The following CNFN variants were observed in gnomAD, a reference collection of about 807,000 sequenced individuals.
CNFN encodes the protein cornifelin, also known as cornefied envelope protein cornefilin.
Under a neutral mutation model 14.9 loss-of-function variants are expected in CNFN, and 10 were observed. That is an observed-to-expected ratio of 0.67 (90% confidence interval 0.41 to 1.14). The LOEUF is 1.14. CNFN is among the 50% of genes most tolerant of loss of function. The probability of loss-of-function intolerance (pLI) is 0.00; values close to 1 mark genes in which losing one functional copy is unlikely to be tolerated. For synonymous variants in CNFN, 66 were observed against 60.0 expected (o/e 1.10, Z -0.46); for missense variants, 165 against 152.8 (o/e 1.08, Z -0.42).
rs770301338 is a variant in CNFN at position 42,387,429 on chromosome 19, C to G, written c.160G>C (p.Asp54His). ...GCGCAGCAGCACTCGCCAAAGTCGT[C>G]GGAGATGCGGCAGGCAAGGCACAGA... ...APLCLACRISDDFGECCCAPY... is the reference protein window; with the variant it reads ...APLCLACRISHDFGECCCAPY... Residue 54 changes from aspartate (D) to histidine (H), a missense_variant, in exon 3 of 4, where the codon GAC becomes CAC. Transcript: ENST00000222032. 6.2e-6 allele frequency: 10 copies of G among 1,600,644 alleles called. No homozygotes were observed. The highest frequency in any genetic ancestry group is 5.4e-5 in the African/African-American group (4 of 74,576).
At position 42,387,178 on chromosome 19, in the gene CNFN, G is replaced by A. The variant is rs1465641511; in HGVS notation, c.314C>T (p.Ala105Val). The change falls in exon 4 of 4, where the codon GCG becomes GTG. Residue 105 changes from alanine to valine, a missense_variant. Ala to Val is a moderately conservative substitution (Grantham distance 64). Transcript: ENST00000222032. Reference protein sequence around the residue: ...FCLPCALCQMARELKIRE With the variant: ...FCLPCALCQMVRELKIRE ...TTACTCTCGGATCTTCAGTTCCCGC[G>A]CCATCTGGCAGAGGGCGCAGGGCAG... The A allele has an allele frequency of 6.2e-7, 1 of 1,614,192 alleles. No homozygotes were observed. Among genetic ancestry groups the A allele is most frequent in the African/African-American group, 1.3e-5 (1 of 75,066 alleles).
chr19:42,389,104 G>C, intron 1 of CNFN, 65 bp from the exon 2 acceptor site: 1 of 1,247,008 alleles, frequency 8.0e-7, no homozygotes, highest in Non-Finnish European at 1.1e-6. Flanking sequence ...CCCGCACTTC[G>C]GCCACCCTTC....
chr19:42,387,420 C>T lies in CNFN; in HGVS notation c.169G>A (p.Gly57Ser), dbSNP rs1243190488. The T allele has an allele frequency of 6.2e-7, 1 of 1,602,076 alleles. No individual in the cohort carries two copies. Among genetic ancestry groups the T allele is most frequent in the South Asian group, 1.1e-5 (1 of 89,496 alleles). Reference protein sequence around the residue: ...CLACRISDDFGECCCAPYLPG... With the variant: ...CLACRISDDFSECCCAPYLPG... The stretch of plus-strand genomic sequence containing the variant: ...AGGTAGGGCGCGCAGCAGCACTCGC[C>T]AAAGTCGTCGGAGATGCGGCAGGCA... Residue 57 changes from glycine (G) to serine (S), a missense_variant, in exon 3 of 4, where the codon GGC becomes AGC. Physicochemically the swap from Gly to Ser is moderately conservative, Grantham distance 56. Transcript: ENST00000222032.
At chr19:42,389,327 C>A (rs1045625983) in intron 1 of CNFN, among the ~76,000 whole-genome samples, 2 of 152,196 alleles carry the variant, frequency 1.3e-5, no homozygotes, top group Non-Finnish European at 2.9e-5. Context: ...CTGGCGGTGC[C>A]GCCTCCTCCT....
At chr19:42,389,179 C>A in intron 1 of CNFN, 140 bp from the exon 2 acceptor site, 1 of 647,854 alleles carries the variant, frequency 1.5e-6, no homozygotes, top group Non-Finnish European at 2.7e-6. Context: ...CTGTGCCTCC[C>A]CCTTCCCTTC....
Position 42,389,572 on chromosome 19 carries a change from T to C in CNFN, c.-2-533A>G, listed in dbSNP as rs113913314. The C allele has an allele frequency of 2.4e-3, 3,020 of 1,264,388 alleles. 72 individuals carry two copies. The African/African-American group carries it at 0.045, about 19-fold the overall frequency. 78.3% of individuals were successfully genotyped at this position (1,264,388 alleles called of 1,614,324 possible). On this transcript the variant is annotated intron_variant, in intron 1 of 3. Transcript: ENST00000222032. Reference sequence around the variant, plus strand: ...GCGTTGGGGACGGCAGAAGTGGCTGTGGCAACAGTGGCAGAGTCTGTCCAA... The same window carrying C: ...GCGTTGGGGACGGCAGAAGTGGCTGCGGCAACAGTGGCAGAGTCTGTCCAA...
At chr19:42,387,997 A>AC (rs1414258124) in intron 2 of CNFN, among the ~76,000 whole-genome samples, 1 of 146,360 alleles carries the variant, frequency 6.8e-6, no homozygotes, top group Non-Finnish European at 1.5e-5. Flanking sequence ...ACAAAAAACA[A>AC]AACAAAAAAA....
chr19:42,388,224 C>T (rs1317851240), intron 2 of CNFN, among the ~76,000 whole-genome samples: 3 of 151,932 alleles, frequency 2.0e-5, no homozygotes, highest in Non-Finnish European at 2.9e-5. Flanking sequence ...GACGGAATCT[C>T]GCTCTGTTGC....
chr19:42,387,536 C>G, intron 2 of CNFN, 60 bp from the exon 3 acceptor site: 3 of 1,348,910 alleles, frequency 2.2e-6, no homozygotes, highest in Non-Finnish European at 3.0e-6. Context: ...CGGCTCCGCC[C>G]CGGGGGGGGC....
chr19:42,387,105 G>A lies in CNFN; in HGVS notation c.*48C>T. 1 of 1,590,008 alleles carries A rather than the reference G, an allele frequency of 6.3e-7. No homozygotes were observed. The highest frequency in any genetic ancestry group is 1.1e-5 in the South Asian group (1 of 90,454). On this transcript the variant is annotated 3_prime_UTR_variant, in exon 4 of 4. Coordinates refer to ENST00000222032, the MANE Select transcript of CNFN (RefSeq NM_032488.4). ...TCCCTCCCAGGAGTGGCCAGAGAAGGCCAGAGGCGAGACTGGTGGAAAAGG... is the reference window on the plus strand; with the variant it reads ...TCCCTCCCAGGAGTGGCCAGAGAAGACCAGAGGCGAGACTGGTGGAAAAGG...
At chr19:42,387,986 A>C (rs2039867493) in intron 2 of CNFN, among the ~76,000 whole-genome samples, 1 of 138,664 alleles carries the variant, frequency 7.2e-6, no homozygotes, top group Non-Finnish European at 1.5e-5. Flanking sequence ...TCTCAAAAAA[A>C]ACAAAAAACA....
Position 42,388,941 on chromosome 19 carries a change from T to C in CNFN, c.97A>G (p.Asn33Asp). The C allele has an allele frequency of 6.2e-7, 1 of 1,613,336 alleles. No individual in the cohort carries two copies. The highest frequency in any genetic ancestry group is 8.5e-7 in the Non-Finnish European group (1 of 1,179,660). ...DWHTGLTDCC[N>D]DMPVCLCGTF... ...AGGCACTCACAGACAGGCATGTCGTTGCAGCAGTCCGTGAGACCTGTGTGC... is the reference window on the plus strand; with the variant it reads ...AGGCACTCACAGACAGGCATGTCGTCGCAGCAGTCCGTGAGACCTGTGTGC... The change falls in exon 2 of 4, where the codon AAC becomes GAC. Residue 33 changes from asparagine to aspartate, a missense_variant. Transcript: ENST00000222032.
At chr19:42,387,735 A>C (rs1193352219) in intron 2 of CNFN, among the ~76,000 whole-genome samples, 1 of 145,154 alleles carries the variant, frequency 6.9e-6, no homozygotes, top group Non-Finnish European at 1.5e-5. Context: ...TAATCCCAGC[A>C]CTTTGGGAGG....
intron 1 of CNFN, among the ~76,000 whole-genome samples, chr19:42,389,918 A>G (rs2039885871): frequency 6.6e-6 from 1 of 152,236 alleles, no homozygotes; most frequent in African/African-American, 2.4e-5. Context: ...ACATGTGCCC[A>G]GCACTTTGAC....
At chr19:42,388,000 C>CAAAAAAAAAAAAAAAAAAAAAAA (rs1182517143) in intron 2 of CNFN, among the ~76,000 whole-genome samples, 1 of 138,806 alleles carries the variant, frequency 7.2e-6, no homozygotes. Flanking sequence ...AAAAACAAAA[C>CAAAAAAAAAAAAAAAAAAAAAAA]AAAAAAAAAA....
chr19:42,389,096 C>T (rs538074791), intron 1 of CNFN, 57 bp from the exon 2 acceptor site: 3 of 1,316,538 alleles, frequency 2.3e-6, no homozygotes, highest in Admixed American at 3.7e-5. Context: ...TCCTGGGCCC[C>T]GCACTTCGGC....
Position 42,387,249 on chromosome 19 carries a change from G to A in CNFN, c.250-7C>T, listed in dbSNP as rs1381431813. On this transcript the variant is annotated splice_region_variant and splice_polypyrimidine_tract_variant and intron_variant, in intron 3 of 3. Coordinates refer to ENST00000222032, the MANE Select transcript of CNFN (RefSeq NM_032488.4). ...AGTCGTGCCCGACGGAGCCCTAGAGGGTAGGAGAGAGCGGTCAGGAGCCCC... is the reference window on the plus strand; with the variant it reads ...AGTCGTGCCCGACGGAGCCCTAGAGAGTAGGAGAGAGCGGTCAGGAGCCCC... 4 of 1,613,132 alleles carry A rather than the reference G, an allele frequency of 2.5e-6. No homozygotes were observed. The highest frequency in any genetic ancestry group is 1.3e-5 in the African/African-American group (1 of 74,924).
intron 3 of CNFN, 43 bp downstream of exon 3, chr19:42,387,297 T>C (rs956066170): frequency 1.9e-6 from 3 of 1,603,510 alleles, no homozygotes; most frequent in African/African-American, 2.7e-5. Context: ...AGGAGGCCAG[T>C]CCCCAGCTCC....
chr19:42,389,665 G>A (rs2039883680), intron 1 of CNFN: 2 of 458,970 alleles, frequency 4.4e-6, no homozygotes, highest in Admixed American at 2.6e-5. Flanking sequence ...CTCAGGGGGA[G>A]GGGAGCTGGG....
Sources: gnomAD v4.1 joint callset for allele counts (sites outside exome capture counted in the v4.1 genomes callset) on GRCh38, gnomAD v4.1.1 for gene constraint, MANE v1.5 for transcripts, NCBI Gene and HGNC (gene_info 2026-07-23, HGNC 2026-07-21) for gene names.